The following PHC3 variants were observed in gnomAD, a reference collection of about 807,000 sequenced individuals.
The protein encoded by PHC3 is polyhomeotic-like protein 3.
In PHC3, 13 loss-of-function variants were observed where a neutral mutation model predicts 107.4. The observed-to-expected ratio is 0.12, with a 90% confidence interval of 0.08 to 0.19. The LOEUF is 0.19. Ranked by LOEUF, PHC3 falls within the 10% of genes least tolerant of loss-of-function variation. PHC3 has a pLI of 1.00. For synonymous variants in PHC3, 456 were observed against 427.4 expected, an observed-to-expected ratio of 1.07 and a Z score of -0.83; for missense variants, 992 against 1,210.9, an observed-to-expected ratio of 0.82 and a Z score of 2.68.
chr3:170,126,047 T>C, intron 8 of PHC3: 4 of 744,644 alleles, frequency 5.4e-6, no homozygotes, highest in Non-Finnish European at 6.6e-6. Flanking sequence ...TTATCTACCC[T>C]CAACATACTT....
rs550953523 is a variant in PHC3, at chr3:170,125,893, G to A, written c.1788+2791C>T. On this transcript the variant is annotated intron_variant, in intron 8 of 14. Transcript: ENST00000495893. ...TCACTCACAAGATCATTAGGAAACT[G>A]CACATCACAATTACTGTTTAGCTCA... is the stretch of plus-strand genomic sequence containing the variant. 4.3e-5 allele frequency: 28 copies of A among 644,422 alleles called. No homozygotes were observed. In the East Asian group the frequency reaches 8.3e-4, roughly 19 times the overall value. 39.9% of individuals were successfully genotyped at this position (644,422 alleles called of 1,614,324 possible).
chr3:170,110,517 C>G (rs1302060439), intron 11 of PHC3, among the ~76,000 whole-genome samples: 1 of 152,116 alleles, frequency 6.6e-6, no homozygotes, highest in Admixed American at 6.6e-5. Flanking sequence ...ATAGGAAACC[C>G]ACCAAACTAG....
At chr3:170,149,369 C>A (rs745450946) in intron 4 of PHC3, 125 bp from the exon 5 acceptor site, 9 of 835,566 alleles carry the variant, frequency 1.1e-5, no homozygotes, top group African/African-American at 1.7e-5. Flanking sequence ...AAAGGAGAAG[C>A]CTTTATCTTT....
At chr3:170,114,673 G>C (rs1718552378) in intron 10 of PHC3, among the ~76,000 whole-genome samples, 1 of 152,144 alleles carries the variant, frequency 6.6e-6, no homozygotes, top group African/African-American at 2.4e-5. Flanking sequence ...ACCTATTTTA[G>C]AAGTATTTTC....
chr3:170,122,283 A>C (rs879871368), intron 9 of PHC3, among the ~76,000 whole-genome samples: 2 of 152,134 alleles, frequency 1.3e-5, no homozygotes, highest in Non-Finnish European at 2.9e-5. Flanking sequence ...ATTAACTACC[A>C]TAACAAATTC....
At chr3:170,150,733 A>G (rs750316172) in intron 4 of PHC3, 3 of 424,232 alleles carry the variant, frequency 7.1e-6, no homozygotes, top group South Asian at 4.8e-5. Flanking sequence ...AGAAAAAAAG[A>G]AAAAAACCCA....
chr3:170,120,125 T>G (rs1016551082), intron 9 of PHC3, among the ~76,000 whole-genome samples: 2 of 152,014 alleles, frequency 1.3e-5, no homozygotes, highest in Non-Finnish European at 2.9e-5. Flanking sequence ...ACTGACTTTT[T>G]TTTTGGTAAC....
At chr3:170,144,064 C>T (rs1000379826) in intron 6 of PHC3, among the ~76,000 whole-genome samples, 11 of 151,156 alleles carry the variant, frequency 7.3e-5, no homozygotes, top group East Asian at 5.8e-4. Flanking sequence ...TGGTGGCTCA[C>T]GCCTGCAATC....
chr3:170,144,170 AAAAAAG>A (rs1279659081), intron 6 of PHC3, among the ~76,000 whole-genome samples: 1 of 151,054 alleles, frequency 6.6e-6, no homozygotes, highest in African/African-American at 2.4e-5. Flanking sequence ...AAAAAAAAAA[AAAAAAG>A]AAAAAAGAAA....
At chr3:170,112,909 A>G (rs1246541248) in intron 11 of PHC3, among the ~76,000 whole-genome samples, 2 of 152,220 alleles carry the variant, frequency 1.3e-5, no homozygotes, top group Non-Finnish European at 2.9e-5. Flanking sequence ...TGAAGAGTAT[A>G]TACTTAATAC....
chr3:170,135,495 T>A (rs1045128462), intron 7 of PHC3, among the ~76,000 whole-genome samples: 2 of 150,024 alleles, frequency 1.3e-5, no homozygotes, highest in South Asian at 4.2e-4. Context: ...TATAGCCCAG[T>A]GCAACACACA....
chr3:170,148,050 C>G (rs1725290795), intron 5 of PHC3: 2 of 152,122 alleles, frequency 1.3e-5, no homozygotes, highest in Admixed American at 6.6e-5. Context: ...GCAGGTGGAT[C>G]ACAAGGTCAG....
rs955037508 is a variant in PHC3 at position 170,094,143 on chromosome 3, T to C, written c.*3087A>G. ...AGTAACAGGACCATCAGGGAAATAATATGCTACTTAAAAAGTGACAGGAGG... is the reference window on the plus strand; with the variant it reads ...AGTAACAGGACCATCAGGGAAATAACATGCTACTTAAAAAGTGACAGGAGG... On this transcript the variant is annotated 3_prime_UTR_variant, in exon 15 of 15. Transcript: ENST00000495893. The C allele has an allele frequency of 6.6e-6, 1 of 152,218 alleles. No homozygotes were observed. Among genetic ancestry groups the C allele is most frequent in the Admixed American group, 6.5e-5 (1 of 15,278 alleles). The allele number at this position is 152,218 out of a possible 1,614,324, so 9.4% of individuals were successfully genotyped here. A position where few individuals can be genotyped will look rare whatever the true frequency, so the allele number is the denominator to read the frequency against.
At chr3:170,174,435 A>G (rs1730097535) in intron 2 of PHC3, among the ~76,000 whole-genome samples, 1 of 152,198 alleles carries the variant, frequency 6.6e-6, no homozygotes, top group South Asian at 2.1e-4. Context: ...CAAGTACTCT[A>G]CTAAAATCAG....
chr3:170,173,213 A>C (rs1261217156), intron 2 of PHC3, among the ~76,000 whole-genome samples: 6 of 151,894 alleles, frequency 4.0e-5, no homozygotes, highest in Admixed American at 6.6e-5. Flanking sequence ...AAAACAAAAC[A>C]AAACCCAGTG....
rs11915123 is a variant in PHC3 at position 170,090,130 on chromosome 3, A to T, written c.*7100T>A. The T allele has an allele frequency of 6.6e-6, 1 of 152,058 alleles. No homozygotes were observed. Among genetic ancestry groups the T allele is most frequent in the East Asian group, 1.9e-4 (1 of 5,194 alleles). The allele number at this position is 152,058 out of a possible 1,614,324, so 9.4% of individuals were successfully genotyped here. On this transcript the variant is annotated 3_prime_UTR_variant, in exon 15 of 15. Transcript: ENST00000495893. ...TAATGTTAAGTCTCCTAAATTTTGT[A>T]ACTTAATCAGGTATGGGGCCAACTG...
At chr3:170,161,570 A>G (rs11921468) in intron 4 of PHC3, among the ~76,000 whole-genome samples, 70,067 of 152,028 alleles carry the variant, frequency 0.46, 16,487 homozygotes, top group East Asian at 0.69. Context: ...GACAGGAGGC[A>G]GAGCTCAGGC....
At chr3:170,129,780 AC>A (rs1721945373) in intron 7 of PHC3, among the ~76,000 whole-genome samples, 1 of 151,842 alleles carries the variant, frequency 6.6e-6, no homozygotes, top group African/African-American at 2.4e-5. Flanking sequence ...GCTCACTGCA[AC>A]CTCCACCTCC....
Position 170,110,758 on chromosome 3 carries a change from A to G in PHC3, c.2353+2602T>C, listed in dbSNP as rs187901493. Among the ~76,000 whole-genome samples, 13 of 152,322 alleles carry G rather than the reference A, an allele frequency of 8.5e-5. No homozygotes were observed. In the East Asian group the frequency reaches 2.3e-3, roughly 27 times the overall value. On this transcript the variant is annotated intron_variant, in intron 11 of 14. Transcript: ENST00000495893. ...GTTCTAGAATAGTCTAACATATACTATATGTCCATTATATTATAAACTGAG... is the reference window on the plus strand; with the variant it reads ...GTTCTAGAATAGTCTAACATATACTGTATGTCCATTATATTATAAACTGAG...
Sources: allele counts gnomAD v4.1 joint callset (sites outside exome capture counted in the v4.1 genomes callset), GRCh38; gene constraint gnomAD v4.1.1; transcripts MANE v1.5; gene names NCBI Gene and HGNC (gene_info 2026-07-23, HGNC 2026-07-21).